AMZ1: variants seen among roughly 807,000 people sequenced by gnomAD.
AMZ1 encodes archaelysin family metallopeptidase 1, also known as archaemetzincin-1.
Under a neutral mutation model 29.9 loss-of-function variants are expected in AMZ1, and 39 were observed. The observed-to-expected ratio is 1.30, with a 90% CI of 1.01 to 1.70. The LOEUF (loss-of-function observed/expected upper bound fraction) is 1.70. Ranked by LOEUF, AMZ1 falls within the 40% of genes most tolerant of loss-of-function variation. The probability of loss-of-function intolerance (pLI) is 0.00; values close to 1 mark genes in which losing one functional copy is unlikely to be tolerated. For synonymous variants in AMZ1, 458 were observed against 304.0 expected, an observed-to-expected ratio of 1.51 and a Z score of -5.27; for missense variants, 1,041 against 680.6, an observed-to-expected ratio of 1.53 and a Z score of -5.89.
Position 2,689,370 on chromosome 7 carries a change from T to TG in AMZ1, c.-219+1083dup, listed in dbSNP as rs59259361. Among the ~76,000 whole-genome samples, 744 of 149,646 alleles carry TG rather than the reference T, an allele frequency of 5.0e-3. 7 individuals carry two copies. The highest frequency in any genetic ancestry group is 0.012 in the African/African-American group (505 of 40,974). ...GTTGCTTAGAGCGGCAGAACCTCCC[T>TG]GGGGGGGGGATGCGGACGTGCTCTT... On this transcript the variant is annotated intron_variant, in intron 1 of 6. Transcript: ENST00000683327.
At chr7:2,745,261 G>A (rs1351594780) in intron 4 of AMZ1, among the ~76,000 whole-genome samples, 1 of 152,202 alleles carries the variant, frequency 6.6e-6, no homozygotes, top group Non-Finnish European at 1.5e-5. Flanking sequence ...GTTAAGGGCA[G>A]CCAGAGAGAA....
chr7:2,696,035 T>C (rs562613529), intron 1 of AMZ1, among the ~76,000 whole-genome samples: 1 of 141,728 alleles, frequency 7.1e-6, no homozygotes, highest in African/African-American at 2.6e-5. Context: ...AAAAAGGAAA[T>C]GGACATAACT....
At chr7:2,745,048 G>A (rs892413804) in intron 4 of AMZ1, among the ~76,000 whole-genome samples, 5 of 152,334 alleles carry the variant, frequency 3.3e-5, no homozygotes, top group African/African-American at 1.2e-4. Flanking sequence ...TCTGATTGGT[G>A]TACCTGAAAG....
chr7:2,732,229 C>T (rs1260396383), intron 4 of AMZ1, among the ~76,000 whole-genome samples: 2 of 152,160 alleles, frequency 1.3e-5, no homozygotes, highest in Non-Finnish European at 2.9e-5. Context: ...GGCAAGCATA[C>T]TCTTCACTCA....
At chr7:2,709,966 T>C in intron 6 of AMZ1, 150 bp downstream of exon 6, 1 of 1,118,350 alleles carries the variant, frequency 8.9e-7, no homozygotes, top group South Asian at 1.5e-5. Context: ...GGACCTGCGC[T>C]GGGGTTGAGC....
At chr7:2,689,059 C>G (rs917981211) in intron 1 of AMZ1, among the ~76,000 whole-genome samples, 8 of 152,248 alleles carry the variant, frequency 5.3e-5, no homozygotes, top group Non-Finnish European at 8.8e-5. Context: ...TCTAAGCCCC[C>G]GGTTTTCCCT....
In AMZ1 at chr7:2,712,802, TGAG is replaced by T. The variant is rs777102445; in HGVS notation, c.1427_1429del (p.Arg476del). The T allele has an allele frequency of 6.5e-6, 10 of 1,547,144 alleles. No individual in the cohort carries two copies. Among genetic ancestry groups the T allele is most frequent in the African/African-American group, 1.4e-5 (1 of 73,128 alleles). On this transcript the variant is annotated inframe_deletion, in exon 7 of 7. Transcript: ENST00000683327. ...GTGCTGGGGGACAAGTTCTCCTCCC[TGAG>T]GAGGAAGCTGAGTGCCCGAAAACTC...
chr7:2,696,503 C>T (rs551520599), intron 1 of AMZ1, among the ~76,000 whole-genome samples: 25 of 151,198 alleles, frequency 1.7e-4, no homozygotes, highest in South Asian at 4.2e-4. Flanking sequence ...GTGATCTGCC[C>T]GCCTGGGCCT....
intron 4 of AMZ1, among the ~76,000 whole-genome samples, chr7:2,741,114 G>GT (rs369912810): frequency 2.0e-5 from 3 of 152,210 alleles, no homozygotes; most frequent in African/African-American, 7.2e-5. Flanking sequence ...TTCTTCATTT[G>GT]TATCACAGGG....
At chr7:2,696,210 A>T (rs1004495246) in intron 1 of AMZ1, among the ~76,000 whole-genome samples, 13 of 151,588 alleles carry the variant, frequency 8.6e-5, no homozygotes, top group East Asian at 7.8e-4. Flanking sequence ...GGTTAAAGCA[A>T]TGAAGCCCTG....
At chr7:2,735,562 C>T (rs530014896) in intron 4 of AMZ1, among the ~76,000 whole-genome samples, 253 of 152,332 alleles carry the variant, frequency 1.7e-3, no homozygotes, top group Non-Finnish European at 3.1e-3. Flanking sequence ...ACGTTTCCCT[C>T]GGTGTGAGTC....
intron 4 of AMZ1, among the ~76,000 whole-genome samples, chr7:2,735,528 G>GT (rs1358113800): frequency 6.6e-6 from 1 of 152,152 alleles, no homozygotes; most frequent in Non-Finnish European, 1.5e-5. Flanking sequence ...GGACAAGCTC[G>GT]ATGGGAAGCA....
Position 2,700,304 on chromosome 7 carries a change from C to T in AMZ1, c.-148C>T. 3 of 924,460 alleles carry T rather than the reference C, an allele frequency of 3.2e-6. No homozygotes were observed. The highest frequency in any genetic ancestry group is 3.2e-6 in the Non-Finnish European group (2 of 630,156). 57.3% of individuals were successfully genotyped at this position (924,460 alleles called of 1,614,324 possible). ...CAGGCAGAGCTGGGCCTTAAGGGCC[C>T]TTGGACCAGTGTCTGTCTGCAGGGA... On this transcript the variant is annotated 5_prime_UTR_variant, in exon 2 of 7. Coordinates refer to ENST00000683327, the MANE Select transcript of AMZ1 (RefSeq NM_001384743.1).
At chr7:2,732,196 C>G (rs1172813100) in intron 4 of AMZ1, among the ~76,000 whole-genome samples, 2 of 152,136 alleles carry the variant, frequency 1.3e-5, no homozygotes, top group South Asian at 4.1e-4. Context: ...TTAGACAATT[C>G]TTTAAGTCTT....
At chr7:2,723,284 G>A (rs1393678844), downstream of AMZ1, among the ~76,000 whole-genome samples, 1 of 152,230 alleles carries the variant, frequency 6.6e-6, no homozygotes, top group Non-Finnish European at 1.5e-5. Flanking sequence ...GCTGGCACCT[G>A]TTTGCAGGGG....
chr7:2,706,890 C>T (rs988374892), intron 3 of AMZ1, among the ~76,000 whole-genome samples: 1 of 141,708 alleles, frequency 7.1e-6, no homozygotes, highest in East Asian at 1.9e-4. Flanking sequence ...GAGGCCGAGG[C>T]AGGAAGATTG....
intron 4 of AMZ1, chr7:2,728,775 C>T (rs1441701276): frequency 1.3e-5 from 2 of 152,376 alleles, no homozygotes; most frequent in Non-Finnish European, 2.9e-5. Context: ...CCTTCTTCTC[C>T]AATTACAATG....
intron 4 of AMZ1, among the ~76,000 whole-genome samples, chr7:2,727,351 A>T (rs1002896714): frequency 1.3e-5 from 2 of 152,082 alleles, no homozygotes; most frequent in South Asian, 4.1e-4. Context: ...AAGTGCTGGG[A>T]TTACAGGCAT....
intron 6 of AMZ1, among the ~76,000 whole-genome samples, chr7:2,711,872 C>G (rs1040498767): frequency 6.6e-6 from 1 of 151,976 alleles, no homozygotes; most frequent in Non-Finnish European, 1.5e-5. Context: ...GGTGAAACCC[C>G]GTCTCCACTA....
Sources: gnomAD v4.1 joint callset for allele counts (sites outside exome capture counted in the v4.1 genomes callset) on GRCh38, gnomAD v4.1.1 for gene constraint, MANE v1.5 for transcripts, NCBI Gene and HGNC (gene_info 2026-07-23, HGNC 2026-07-21) for gene names.